Variants in CDCA2 observed in about 807,000 individuals in gnomAD.
CDCA2 encodes cell division cycle associated 2.
Under a neutral mutation model 67.0 loss-of-function variants are expected in CDCA2, and 44 were observed. That is an observed-to-expected ratio of 0.66 (90% CI 0.52 to 0.84). The LOEUF (loss-of-function observed/expected upper bound fraction) is 0.84, where lower values mean the gene tolerates loss of function less well. Ranked by LOEUF, CDCA2 falls within the 40% of genes least tolerant of loss-of-function variation. CDCA2 has a pLI of 0.00. For missense variants in CDCA2, 1,253 were observed against 1,203.2 expected, an observed-to-expected ratio of 1.04 and a Z score of -0.61; for synonymous variants, 447 against 418.7, an observed-to-expected ratio of 1.07 and a Z score of -0.82.
chr8:25,470,074 T>C, intron 7 of CDCA2, 94 bp downstream of exon 7: 1 of 804,384 alleles, frequency 1.2e-6, no homozygotes, highest in Admixed American at 2.2e-5. Flanking sequence ...GGAACTGAAA[T>C]TGTTTCCTAC....
chr8:25,479,935 A>G lies in CDCA2; in HGVS notation c.843A>G (p.Val281=). 1 of 1,614,216 alleles carries G rather than the reference A, an allele frequency of 6.2e-7. No individual in the cohort carries two copies. Among genetic ancestry groups the G allele is most frequent in the Non-Finnish European group, 8.5e-7 (1 of 1,180,050 alleles). ...TSNALKVADC[V]VGKGSSDAVS... is the part of the protein sequence containing the mutation. Reference sequence around the variant, plus strand: ...AAGCACTAAAGGTTGCTGACTGTGTAGTGGGCAAAGGATCAAGTGATGCCG... The same window carrying G: ...AAGCACTAAAGGTTGCTGACTGTGTGGTGGGCAAAGGATCAAGTGATGCCG... Residue 281 remains valine, a synonymous_variant, in exon 8 of 15, where the codon GTA becomes GTG. Coordinates refer to ENST00000330560, the MANE Select transcript of CDCA2 (RefSeq NM_152562.4).
At chr8:25,486,688 G>A (rs1207684703) in intron 11 of CDCA2, among the ~76,000 whole-genome samples, 6 of 151,438 alleles carry the variant, frequency 4.0e-5, no homozygotes, top group Non-Finnish European at 5.9e-5. Context: ...GGTAGCGGGT[G>A]CCTATAATCT....
At chr8:25,495,334 T>C (rs1338388124) in intron 13 of CDCA2, among the ~76,000 whole-genome samples, 1 of 152,046 alleles carries the variant, frequency 6.6e-6, no homozygotes, top group Non-Finnish European at 1.5e-5. Context: ...AAGCAAAATT[T>C]GACAAATTCT....
At chr8:25,468,856 G>A (rs1803040640) in intron 6 of CDCA2, among the ~76,000 whole-genome samples, 1 of 152,154 alleles carries the variant, frequency 6.6e-6, no homozygotes, top group Non-Finnish European at 1.5e-5. Context: ...AGGCTTGGGA[G>A]TCTTGCACTT....
chr8:25,485,210 A>AATAATAAT (rs1554524011), intron 10 of CDCA2, among the ~76,000 whole-genome samples: 5 of 34,558 alleles, frequency 1.4e-4, no homozygotes, highest in East Asian at 1.2e-3. Flanking sequence ...TAATAATAAT[A>AATAATAAT]AAGAAAAAGC....
At chr8:25,498,468 C>T (rs1441316144) in intron 13 of CDCA2, among the ~76,000 whole-genome samples, 1 of 137,280 alleles carries the variant, frequency 7.3e-6, no homozygotes, top group Non-Finnish European at 1.6e-5. Flanking sequence ...CCCCCCGCCC[C>T]CCAGGCCTCC....
intron 11 of CDCA2, among the ~76,000 whole-genome samples, chr8:25,486,330 AG>A (rs1156572666): frequency 6.6e-6 from 1 of 152,178 alleles, no homozygotes; most frequent in East Asian, 1.9e-4. Context: ...GTCATGGGCC[AG>A]GCACCTTTAT....
At chr8:25,501,239 T>C (rs1000053201) in intron 13 of CDCA2, among the ~76,000 whole-genome samples, 5 of 152,228 alleles carry the variant, frequency 3.3e-5, no homozygotes, top group African/African-American at 1.2e-4. Flanking sequence ...AGTTCTAAAA[T>C]TATTTTTCCG....
At chr8:25,475,649 G>A (rs1298705342) in intron 7 of CDCA2, among the ~76,000 whole-genome samples, 4 of 152,176 alleles carry the variant, frequency 2.6e-5, no homozygotes, top group African/African-American at 7.2e-5. Context: ...TCGACCTGGC[G>A]AAGACCTGAT....
intron 13 of CDCA2, among the ~76,000 whole-genome samples, chr8:25,503,019 C>T (rs1003313004): frequency 6.6e-6 from 1 of 152,178 alleles, no homozygotes; most frequent in Non-Finnish European, 1.5e-5. Context: ...TTGTGGCTCA[C>T]ACTTGTAATC....
Position 25,469,955 on chromosome 8 carries a change from T to A in CDCA2, c.795T>A (p.Leu265=), listed in dbSNP as rs754679065. ...SGFLVEESLP[L]SELTETSNAL... is the part of the protein sequence containing the mutation. ...TTTTAGTTGAAGAGTCTCTTCCCCT[T>A]TCAGAGCTCACAGAGACTTCAAATG... Residue 265 remains leucine, a synonymous_variant, in exon 7 of 15, where the codon CTT becomes CTA. Coordinates refer to ENST00000330560, the MANE Select transcript of CDCA2 (RefSeq NM_152562.4). The A allele has an allele frequency of 6.2e-7, 1 of 1,611,126 alleles. No homozygotes were observed. The highest frequency in any genetic ancestry group is 1.1e-5 in the South Asian group (1 of 90,702).
chr8:25,494,863 A>G (rs1804151841), intron 13 of CDCA2, among the ~76,000 whole-genome samples: 1 of 152,110 alleles, frequency 6.6e-6, no homozygotes, highest in Admixed American at 6.5e-5. Flanking sequence ...CCACATAAGG[A>G]CACCAGGGAC....
intron 3 of CDCA2, among the ~76,000 whole-genome samples, chr8:25,461,727 T>C (rs1362414281): frequency 2.0e-5 from 3 of 152,110 alleles, no homozygotes; most frequent in Non-Finnish European, 4.4e-5. Flanking sequence ...AAAAGAAAAA[T>C]ACTGAGTCAA....
At chr8:25,471,477 T>A (rs1803152839) in intron 7 of CDCA2, among the ~76,000 whole-genome samples, 1 of 152,114 alleles carries the variant, frequency 6.6e-6, no homozygotes, top group Non-Finnish European at 1.5e-5. Flanking sequence ...ATTATCTGCC[T>A]CGGCCTCCCA....
At chr8:25,463,486 G>T (rs939544530) in intron 4 of CDCA2, among the ~76,000 whole-genome samples, 3 of 151,930 alleles carry the variant, frequency 2.0e-5, no homozygotes, top group Admixed American at 6.6e-5. Flanking sequence ...TTAAAATCTA[G>T]CACAAAAGGT....
In CDCA2 at chr8:25,507,392, C is replaced by T. The variant is rs145149339; in HGVS notation, c.2726C>T (p.Ser909Leu). Reference protein sequence around the residue: ...DLENEGLVWISLPLPSTSQKA... With the variant: ...DLENEGLVWILLPLPSTSQKA... ...GAAAACGAAGGTCTTGTATGGATTT[C>T]ACTTCCACTTCCTTCCACTTCCCAA... Residue 909 changes from serine to leucine, a missense_variant, in exon 15 of 15, where the codon TCA becomes TTA. Physicochemically the swap from Ser to Leu is moderately radical, Grantham distance 145. Transcript: ENST00000330560. 11 of 1,613,724 alleles carry T rather than the reference C, an allele frequency of 6.8e-6. No individual in the cohort carries two copies. The African/African-American group carries it at 1.2e-4, about 18-fold the overall frequency.
At chr8:25,505,130 C>T (rs1804627302) in intron 14 of CDCA2, among the ~76,000 whole-genome samples, 1 of 152,048 alleles carries the variant, frequency 6.6e-6, no homozygotes, top group Admixed American at 6.6e-5. Context: ...TTTTTCCTTT[C>T]CTCTCTCCCT....
At chr8:25,480,345 TTAATG>T (rs915467837) in intron 8 of CDCA2, among the ~76,000 whole-genome samples, 1 of 152,174 alleles carries the variant, frequency 6.6e-6, no homozygotes, top group Non-Finnish European at 1.5e-5. Flanking sequence ...CATGCAGAAT[TTAATG>T]TAAGTAGACT....
chr8:25,494,307 T>A (rs913960528), intron 13 of CDCA2, among the ~76,000 whole-genome samples: 1 of 151,630 alleles, frequency 6.6e-6, no homozygotes, highest in Non-Finnish European at 1.5e-5. Context: ...TTTCTTAATA[T>A]ATTACTTAAA....
Sources: gnomAD v4.1 joint callset for allele counts (sites outside exome capture counted in the v4.1 genomes callset) on GRCh38, gnomAD v4.1.1 for gene constraint, MANE v1.5 for transcripts, NCBI Gene and HGNC (gene_info 2026-07-23, HGNC 2026-07-21) for gene names.